DNAH6: variants seen among roughly 807,000 people sequenced by gnomAD.
DNAH6 encodes the protein dynein axonemal heavy chain 6.
Under a neutral mutation model 491.4 loss-of-function variants are expected in DNAH6, and 340 were observed. The observed-to-expected ratio is 0.69, with a 90% CI of 0.63 to 0.76. The LOEUF (loss-of-function observed/expected upper bound fraction) is 0.76. Ranked by LOEUF, DNAH6 falls within the 30% of genes least tolerant of loss-of-function variation. DNAH6 has a pLI of 0.00. For synonymous variants in DNAH6, 1,603 were observed against 1,686.1 expected (o/e 0.95, Z 1.21); for missense variants, 4,443 against 4,972.2 (o/e 0.89, Z 3.20).
At chr2:84,764,107 C>G (rs188053904) in intron 64 of DNAH6, among the ~76,000 whole-genome samples, 2 of 152,164 alleles carry the variant, frequency 1.3e-5, no homozygotes, top group Admixed American at 6.6e-5. Flanking sequence ...CTAATCTCAC[C>G]CAGAAACACC....
Position 84,697,621 on chromosome 2 carries a change from C to G in DNAH6, c.7571C>G (p.Ser2524Ter). 6.4e-7 allele frequency: 1 copy of G among 1,551,900 alleles called. No homozygotes were observed. Among genetic ancestry groups the G allele is most frequent in the South Asian group, 1.2e-5 (1 of 84,056 alleles). Residue 2524 changes from serine to a stop codon, truncating the protein, a stop_gained, in exon 47 of 77, where the codon TCA becomes TGA. Coordinates refer to ENST00000389394, the MANE Select transcript of DNAH6 (RefSeq NM_001370.2). LOFTEE classifies it high-confidence loss of function. ...GAAGATATAAATAACATCCTGAACT[C>G]AGGTGAAGTGCCTAATTTATTTGAA... is the stretch of plus-strand genomic sequence containing the variant. ...FLEDINNILNSGEVPNLFEKD... is the reference protein window; with the variant it reads ...FLEDINNILN
At chr2:84,735,512 C>T (rs1347777728) in intron 62 of DNAH6, among the ~76,000 whole-genome samples, 3 of 152,176 alleles carry the variant, frequency 2.0e-5, no homozygotes, top group Non-Finnish European at 4.4e-5. Context: ...TTCTCAGCAA[C>T]AGTATGTAAG....
intron 76 of DNAH6, among the ~76,000 whole-genome samples, chr2:84,816,841 C>T (rs1365371061): frequency 6.6e-6 from 1 of 152,142 alleles, no homozygotes; most frequent in Non-Finnish European, 1.5e-5. Flanking sequence ...GCCACCTCAA[C>T]AGATACACCA....
At chr2:84,537,796 A>G (rs1379442874) in intron 4 of DNAH6, among the ~76,000 whole-genome samples, 1 of 152,098 alleles carries the variant, frequency 6.6e-6, no homozygotes, top group Admixed American at 6.6e-5. Flanking sequence ...TTTCAATTAT[A>G]TAAATTCACA....
intron 31 of DNAH6, among the ~76,000 whole-genome samples, chr2:84,638,125 T>A (rs1689044600): frequency 6.6e-6 from 1 of 151,992 alleles, no homozygotes; most frequent in Non-Finnish European, 1.5e-5. Flanking sequence ...AAATAAATAT[T>A]TAATTAGTTA....
intron 11 of DNAH6, among the ~76,000 whole-genome samples, chr2:84,572,993 T>C (rs1011493056): frequency 1.3e-5 from 2 of 152,214 alleles, no homozygotes; most frequent in Non-Finnish European, 2.9e-5. Flanking sequence ...TATGGCAAAG[T>C]ATGAAGGATA....
At chr2:84,636,581 T>G (rs2104476710) in intron 30 of DNAH6, among the ~76,000 whole-genome samples, 1 of 152,194 alleles carries the variant, frequency 6.6e-6, no homozygotes, top group Non-Finnish European at 1.5e-5. Context: ...GCTCAACAAG[T>G]GTTTGCTGTT....
chr2:84,769,580 A>C (rs1675418930), intron 64 of DNAH6, among the ~76,000 whole-genome samples: 1 of 152,162 alleles, frequency 6.6e-6, no homozygotes, highest in African/African-American at 2.4e-5. Context: ...TGAACAGAAA[A>C]TATCTTGTTC....
chr2:84,697,605 A>G lies in DNAH6; in HGVS notation c.7555A>G (p.Asn2519Asp). The G allele has an allele frequency of 6.4e-7, 1 of 1,552,010 alleles. No individual in the cohort carries two copies. Among genetic ancestry groups the G allele is most frequent in the Middle Eastern group, 1.7e-4 (1 of 5,992 alleles). ...AGTGGAGGAGTTCCTAGAAGATATA[A>G]ATAACATCCTGAACTCAGGTGAAGT... ...IVVEEFLEDI[N>D]NILNSGEVPN... is the part of the protein sequence containing the mutation. Residue 2519 changes from asparagine to aspartate, a missense_variant, in exon 47 of 77, where the codon AAT (asparagine) becomes GAT (aspartate). This residue lies in a region of DNAH6 where 2,977 missense variants were observed against 3,296.6 expected (regional missense o/e 0.90). Transcript: ENST00000389394.
intron 14 of DNAH6, among the ~76,000 whole-genome samples, chr2:84,580,668 G>C (rs1403421642): frequency 6.6e-6 from 1 of 152,090 alleles, no homozygotes; most frequent in Non-Finnish European, 1.5e-5. Flanking sequence ...AGATGATCAT[G>C]GTTCTCTTCA....
At chr2:84,569,875 G>A (rs1222078155) in intron 11 of DNAH6, among the ~76,000 whole-genome samples, 1 of 152,190 alleles carries the variant, frequency 6.6e-6, no homozygotes, top group Admixed American at 6.5e-5. Context: ...TGTTGCATTG[G>A]AATAGAGTTG....
the DNAH6 span, among the ~76,000 whole-genome samples, chr2:84,507,855 A>G: frequency 6.6e-6 from 1 of 152,164 alleles, no homozygotes; most frequent in East Asian, 1.9e-4. Flanking sequence ...TTCTGTTTAT[A>G]TGCTGGATTA....
At chr2:84,629,479 G>A (rs1452208763) in intron 29 of DNAH6, among the ~76,000 whole-genome samples, 2 of 152,172 alleles carry the variant, frequency 1.3e-5, no homozygotes, top group Non-Finnish European at 2.9e-5. Context: ...TATTCTCCTG[G>A]TTACTAATGA....
chr2:84,525,680 G>C lies in DNAH6; in HGVS notation c.341G>C (p.Ser114Thr). The C allele has an allele frequency of 1.3e-6, 2 of 1,550,164 alleles. No homozygotes were observed. Among genetic ancestry groups the C allele is most frequent in the Middle Eastern group, 3.3e-4 (2 of 5,974 alleles). Residue 114 changes from serine (S) to threonine (T), a missense_variant, in exon 3 of 77, where the codon AGT becomes ACT. Transcript: ENST00000389394. ...CGTCCAGTAAGCATAGCAAAAAAAA[G>C]TTTTGCCACATCATCTACTCAGTTT... ...IKRPVSIAKK[S>T]FATSSTQFLE...
At chr2:84,475,113 C>T in the DNAH6 span, among the ~76,000 whole-genome samples, 1 of 152,138 alleles carries the variant, frequency 6.6e-6, no homozygotes, top group Non-Finnish European at 1.5e-5. Flanking sequence ...TGTACAGTAA[C>T]CCCTTTTAAA....
chr2:84,730,348 T>C (rs1699022761), intron 61 of DNAH6, among the ~76,000 whole-genome samples: 1 of 152,226 alleles, frequency 6.6e-6, no homozygotes, highest in African/African-American at 2.4e-5. Flanking sequence ...TTCTATTACA[T>C]GTGGACAAGG....
chr2:84,573,603 G>A lies in DNAH6; in HGVS notation c.1924+16G>A. ...CAGGAACCTGGTAACTTGTCCATTT[G>A]TACTTACTAATTATTTTTATAGGGA... On this transcript the variant is annotated intron_variant, in intron 12 of 76. Transcript: ENST00000389394. 1 of 1,537,058 alleles carries A rather than the reference G, an allele frequency of 6.5e-7. No individual in the cohort carries two copies. The highest frequency in any genetic ancestry group is 8.7e-7 in the Non-Finnish European group (1 of 1,152,538).
rs750748861 is a variant in DNAH6, at chr2:84,548,418, G to GC, written c.1316+1_1316+2insC. Reference sequence around the variant, plus strand: ...GGCATTATTGCATGAGGCTGACGTGGTAAGATTATTCTCATTTTCAAGAAA... The same window carrying GC: ...GGCATTATTGCATGAGGCTGACGTGGCTAAGATTATTCTCATTTTCAAGAAA... On this transcript the variant is annotated splice_donor_variant, in intron 8 of 76. Coordinates refer to ENST00000389394, the MANE Select transcript of DNAH6 (RefSeq NM_001370.2). LOFTEE classifies it high-confidence loss of function. The GC allele has an allele frequency of 1.2e-6, 2 of 1,613,292 alleles. No homozygotes were observed. Among genetic ancestry groups the GC allele is most frequent in the Non-Finnish European group, 1.7e-6 (2 of 1,179,828 alleles).
intron 70 of DNAH6, 69 bp downstream of exon 70, chr2:84,797,727 C>T: frequency 8.4e-7 from 1 of 1,191,440 alleles, no homozygotes; most frequent in Non-Finnish European, 1.2e-6. Flanking sequence ...CAATAATCAC[C>T]CCCACTCACT....
Sources: allele counts gnomAD v4.1 joint callset (sites outside exome capture counted in the v4.1 genomes callset), GRCh38; gene constraint gnomAD v4.1.1; regional missense constraint gnomAD v4.1.1; transcripts MANE v1.5; gene names NCBI Gene and HGNC (gene_info 2026-07-23, HGNC 2026-07-21).